The following ZYX variants were observed in gnomAD, a reference collection of about 807,000 sequenced individuals.
The protein encoded by ZYX is zyxin, also known as zyxin-2.
A neutral mutation model predicts 58.1 loss-of-function variants in ZYX; 37 were observed. The observed-to-expected ratio is 0.64, with a 90% CI of 0.49 to 0.84. The LOEUF (loss-of-function observed/expected upper bound fraction) is 0.84, where lower values mean the gene tolerates loss of function less well. Ranked by LOEUF, ZYX falls within the 40% of genes least tolerant of loss-of-function variation. The pLI, the probability that ZYX is intolerant of heterozygous loss-of-function variation, is 0.00. For synonymous variants in ZYX, 324 were observed against 321.1 expected (o/e 1.01, Z -0.10); for missense variants, 762 against 761.6 (o/e 1.00, Z -0.01).
chr7:143,381,933 C>G, intron 2 of ZYX, 154 bp downstream of exon 2: 1 of 814,528 alleles, frequency 1.2e-6, no homozygotes, highest in Non-Finnish European at 1.8e-6. Context: ...TCGTGGAGCT[C>G]GTGGCTGGGA....
At position 143,390,049 on chromosome 7, in the gene ZYX, G is replaced by C. The variant is rs1176714032; in HGVS notation, c.1614+72G>C. ...GGCGGGAGATGCTGCTTACTAACTG[G>C]GAGGTGGAAAGCACCAGCATTCAGG... On this transcript the variant is annotated intron_variant, in intron 9 of 9. Transcript: ENST00000322764. This position sits in a 1 kb window ranked among gnomAD's most constrained non-coding sequence, Gnocchi z 4.3. 1 of 1,585,714 alleles carries C rather than the reference G, an allele frequency of 6.3e-7. No individual in the cohort carries two copies. Among genetic ancestry groups the C allele is most frequent in the African/African-American group, 1.3e-5 (1 of 74,452 alleles).
chr7:143,383,323 G>A lies in ZYX; in HGVS notation c.1023+1G>A. On this transcript the variant is annotated splice_donor_variant, in intron 5 of 9. Transcript: ENST00000322764. LOFTEE classifies it high-confidence loss of function. ...CCCACCGGCTCAGAACCAAAACCAG[G>A]TGAGGGATGGTGATAGGACAAGGCT... 6.3e-7 allele frequency: 1 copy of A among 1,593,630 alleles called. No individual in the cohort carries two copies. The highest frequency in any genetic ancestry group is 8.5e-7 in the Non-Finnish European group (1 of 1,171,260).
rs749155185 is a variant in ZYX at position 143,388,454 on chromosome 7, CTTCT to C, written c.1145-34_1145-31del. ...GATCCCTCGCAGCTCTACATACTTC[CTTCT>C]ATTTACTGCTGTCTTCTCTGGCCTT... is the stretch of plus-strand genomic sequence containing the variant. On this transcript the variant is annotated intron_variant, in intron 6 of 9. Coordinates refer to ENST00000322764, the MANE Select transcript of ZYX (RefSeq NM_003461.5). This position sits in a 1 kb window ranked among gnomAD's most constrained non-coding sequence, Gnocchi z 7.5. 6.2e-7 allele frequency: 1 copy of C among 1,606,880 alleles called. No individual in the cohort carries two copies. The highest frequency in any genetic ancestry group is 8.5e-7 in the Non-Finnish European group (1 of 1,175,306).
rs1481104650 is a variant in ZYX, at chr7:143,390,055, G to A, written c.1614+78G>A. 3.8e-6 allele frequency: 6 copies of A among 1,575,852 alleles called. No individual in the cohort carries two copies. The highest frequency in any genetic ancestry group is 5.2e-6 in the Non-Finnish European group (6 of 1,153,978). ...AGATGCTGCTTACTAACTGGGAGGT[G>A]GAAAGCACCAGCATTCAGGAAACAG... On this transcript the variant is annotated intron_variant, in intron 9 of 9. Coordinates refer to ENST00000322764, the MANE Select transcript of ZYX (RefSeq NM_003461.5). The surrounding 1 kb of genome is among the most constrained non-coding windows in gnomAD (Gnocchi z 4.3).
In ZYX at chr7:143,382,959, A is replaced by T; in HGVS notation, c.660A>T (p.Thr220=). Residue 220 remains threonine, a synonymous_variant, in exon 5 of 10, where the codon ACA becomes ACT. Transcript: ENST00000322764. Reference sequence around the variant, plus strand: ...TTCCGGCTCCGGCTCAGAGCCAGACACAGTTCCATGTTCAGCCCCAGCCCC... The same window carrying T: ...TTCCGGCTCCGGCTCAGAGCCAGACTCAGTTCCATGTTCAGCCCCAGCCCC... ...PQVPAPAQSQ[T]QFHVQPQPQP... The T allele has an allele frequency of 6.2e-7, 1 of 1,613,502 alleles. No individual in the cohort carries two copies. The highest frequency in any genetic ancestry group is 1.1e-5 in the South Asian group (1 of 91,056).
Position 143,381,419 on chromosome 7 carries a change from G to A in ZYX, c.-16+10G>A, listed in dbSNP as rs1804564002. ...CACGCTCCGGCCTGCGGTGAGGCGC[G>A]GGGAGCGGCAGGGCGGCCCCACGGG... On this transcript the variant is annotated intron_variant, in intron 1 of 9. Transcript: ENST00000322764. 8.0e-6 allele frequency: 10 copies of A among 1,243,304 alleles called. No individual in the cohort carries two copies. Among genetic ancestry groups the A allele is most frequent in the East Asian group, 6.9e-5 (2 of 28,940 alleles). The allele number at this position is 1,243,304 out of a possible 1,614,324, so 77.0% of individuals were successfully genotyped here.
At chr7:143,386,379 G>C (rs1434453851) in intron 5 of ZYX, among the ~76,000 whole-genome samples, 1 of 152,088 alleles carries the variant, frequency 6.6e-6, no homozygotes, top group Non-Finnish European at 1.5e-5. Context: ...CAACCATGTG[G>C]GAGGTGAGGT....
chr7:143,391,048 C>T lies in ZYX; in HGVS notation c.*366C>T, dbSNP rs979275876. 14 of 313,638 alleles carry T rather than the reference C, an allele frequency of 4.5e-5. No individual in the cohort carries two copies. The Admixed American group carries it at 5.7e-4, about 13-fold the overall frequency. The allele number at this position is 313,638 out of a possible 1,614,324, so 19.4% of individuals were successfully genotyped here. A position where few individuals can be genotyped will look rare whatever the true frequency, so the allele number is the denominator to read the frequency against. ...TGGGAGACCCTCCAGGACATTCCCA[C>T]CCTCCCCCATGCTGCCAAGTTGTAG... On this transcript the variant is annotated 3_prime_UTR_variant, in exon 10 of 10. Coordinates refer to ENST00000322764, the MANE Select transcript of ZYX (RefSeq NM_003461.5).
chr7:143,383,077 C>T lies in ZYX; in HGVS notation c.778C>T (p.Pro260Ser), dbSNP rs1007276007. 101 of 1,614,128 alleles carry T rather than the reference C, an allele frequency of 6.3e-5. No homozygotes were observed. Among genetic ancestry groups the T allele is most frequent in the Non-Finnish European group, 7.4e-5 (87 of 1,180,056 alleles). ...GCCCCGAGGGCCCCCAGCCTCATCT[C>T]CGGCTCCAGCCCCTAAGTTTTCTCC... Reference protein sequence around the residue: ...TQPRGPPASSPAPAPKFSPVT... With the variant: ...TQPRGPPASSSAPAPKFSPVT... The change falls in exon 5 of 10, where the codon CCG (proline) becomes TCG (serine). Residue 260 changes from proline to serine, a missense_variant. Physicochemically the swap from Pro to Ser is moderately conservative, Grantham distance 74. Transcript: ENST00000322764.
In ZYX at chr7:143,387,462, A is replaced by C. The variant is rs186647902; in HGVS notation, c.1024-757A>C. On this transcript the variant is annotated intron_variant, in intron 5 of 9. Coordinates refer to ENST00000322764, the MANE Select transcript of ZYX (RefSeq NM_003461.5). The surrounding 1 kb of genome is among the most constrained non-coding windows in gnomAD (Gnocchi z 5.8). ...GCGTGTCTCCCGGCAGTGCTGATGC[A>C]GGTCAGACAGCCCTTCCCGGAGTTC... Among the ~76,000 whole-genome samples, 487 of 152,280 alleles carry C rather than the reference A, an allele frequency of 3.2e-3. 6 individuals carry two copies. The highest frequency in any genetic ancestry group is 0.011 in the African/African-American group (462 of 41,560).
At position 143,387,891 on chromosome 7, in the gene ZYX, G is replaced by C. The variant is rs577853906; in HGVS notation, c.1024-328G>C. Reference sequence around the variant, plus strand: ...GTTGATGCGTGGCCCTGGAGTGTCCGGTGCTTCAGTGACCCGAGCTGCTGT... The same window carrying C: ...GTTGATGCGTGGCCCTGGAGTGTCCCGTGCTTCAGTGACCCGAGCTGCTGT... On this transcript the variant is annotated intron_variant, in intron 5 of 9. Coordinates refer to ENST00000322764, the MANE Select transcript of ZYX (RefSeq NM_003461.5). The surrounding 1 kb of genome is among the most constrained non-coding windows in gnomAD (Gnocchi z 5.8). 10 of 502,298 alleles carry C rather than the reference G, an allele frequency of 2.0e-5. No homozygotes were observed. Among genetic ancestry groups the C allele is most frequent in the South Asian group, 1.1e-4 (7 of 64,838 alleles). 31.1% of individuals were successfully genotyped at this position (502,298 alleles called of 1,614,324 possible). A position where few individuals can be genotyped will look rare whatever the true frequency, so the allele number is the denominator to read the frequency against.
rs866871924 is a variant in ZYX, at chr7:143,390,979, C to G, written c.*297C>G. The G allele has an allele frequency of 2.2e-4, 91 of 412,824 alleles. 1 individual carries two copies. The highest frequency in any genetic ancestry group is 2.2e-3 in the South Asian group (79 of 36,320). 25.6% of individuals were successfully genotyped at this position (412,824 alleles called of 1,614,324 possible). On this transcript the variant is annotated 3_prime_UTR_variant, in exon 10 of 10. Transcript: ENST00000322764. The surrounding 1 kb of genome is among the most constrained non-coding windows in gnomAD (Gnocchi z 4.3). ...GCTTTCACTGCTGCACCCGCGCCCT[C>G]GGCCGGCCCCCCGAGCAGCCTTTGT... is the stretch of plus-strand genomic sequence containing the variant.
Position 143,390,663 on chromosome 7 carries a change from C to T in ZYX, c.1700C>T (p.Thr567Ile). 1 of 1,583,166 alleles carries T rather than the reference C, an allele frequency of 6.3e-7. No individual in the cohort carries two copies. The highest frequency in any genetic ancestry group is 1.2e-5 in the South Asian group (1 of 86,352). Residue 567 changes from threonine (T) to isoleucine (I), a missense_variant, in exon 10 of 10, where the codon ACT (threonine) becomes ATT (isoleucine). Coordinates refer to ENST00000322764, the MANE Select transcript of ZYX (RefSeq NM_003461.5). The surrounding 1 kb of genome is among the most constrained non-coding windows in gnomAD (Gnocchi z 4.3). Reference sequence around the variant, plus strand: ...CACGTGCTCTGTCGGAAGTGCCACACTGCTAGAGCCCAGACCTGAGTGAGG... The same window carrying T: ...CACGTGCTCTGTCGGAAGTGCCACATTGCTAGAGCCCAGACCTGAGTGAGG... ...DGHVLCRKCH[T>I]ARAQT
Position 143,390,471 on chromosome 7 carries a change from C to T in ZYX, c.1615-107C>T. 1 of 824,792 alleles carries T rather than the reference C, an allele frequency of 1.2e-6. No individual in the cohort carries two copies. The highest frequency in any genetic ancestry group is 1.9e-6 in the Non-Finnish European group (1 of 514,298). The allele number at this position is 824,792 out of a possible 1,614,324, so 51.1% of individuals were successfully genotyped here. On this transcript the variant is annotated intron_variant, in intron 9 of 9. Transcript: ENST00000322764. The surrounding 1 kb of genome is among the most constrained non-coding windows in gnomAD (Gnocchi z 4.3). ...AAAAAGCGATGACACCAGCTCTGAG[C>T]CATGAAGCATCTTTCTAATTCCAAG...
chr7:143,382,841 T>G lies in ZYX; in HGVS notation c.542T>G (p.Phe181Cys), dbSNP rs1241970536. The G allele has an allele frequency of 6.2e-7, 1 of 1,609,258 alleles. No homozygotes were observed. Among genetic ancestry groups the G allele is most frequent in the South Asian group, 1.1e-5 (1 of 90,392 alleles). ...GTGCCCCCACCAGTGGCCACTCCAT[T>G]CAGTTCCAAGTCCAGTACCAAGCCT... ...GYVPPPVATP[F>C]SSKSSTKPAA... The change falls in exon 5 of 10, where the codon TTC becomes TGC. Residue 181 changes from phenylalanine (F) to cysteine (C), a missense_variant. Coordinates refer to ENST00000322764, the MANE Select transcript of ZYX (RefSeq NM_003461.5).
In ZYX at chr7:143,389,609, G is replaced by A. The variant is rs1336935059; in HGVS notation, c.1494-248G>A. 1.3e-5 allele frequency among the ~76,000 whole-genome samples: 2 copies of A among 152,152 alleles called. No individual in the cohort carries two copies. The highest frequency in any genetic ancestry group is 2.9e-5 in the Non-Finnish European group (2 of 68,042). ...GTGAATGGGACAGTAAGGGTCGAGT[G>A]GGAGAGAACACCGTGGCAGGTGTGT... On this transcript the variant is annotated intron_variant, in intron 8 of 9. Coordinates refer to ENST00000322764, the MANE Select transcript of ZYX (RefSeq NM_003461.5). This position sits in a 1 kb window ranked among gnomAD's most constrained non-coding sequence, Gnocchi z 5.6.
At position 143,388,821 on chromosome 7, in the gene ZYX, A is replaced by AG; in HGVS notation, c.1372dup (p.Ala458GlyfsTer52). The AG allele has an allele frequency of 6.2e-7, 1 of 1,613,996 alleles. No individual in the cohort carries two copies. Among genetic ancestry groups the AG allele is most frequent in the Non-Finnish European group, 8.5e-7 (1 of 1,179,972 alleles). ...GGAGCCCATCACTGACCGCATGCTG[A>AG]GGGCCACGGGCAAGGCCTATCACCC... On this transcript the variant is annotated frameshift_variant, in exon 8 of 10. Coordinates refer to ENST00000322764, the MANE Select transcript of ZYX (RefSeq NM_003461.5). LOFTEE classifies it high-confidence loss of function. The surrounding 1 kb of genome is among the most constrained non-coding windows in gnomAD (Gnocchi z 7.5).
At position 143,381,708 on chromosome 7, in the gene ZYX, C is replaced by A; in HGVS notation, c.137C>A (p.Pro46His). ...CCCTTCCGGCCCGGGGACAGCGAGC[C>A]TCCCCCGGCACCCGGGGCCCAGCGC... The part of the protein sequence containing the change: ...VNPFRPGDSE[P>H]PPAPGAQRAQ... Residue 46 changes from proline to histidine, a missense_variant, in exon 2 of 10, where the codon CCT (proline) becomes CAT (histidine). By Grantham distance (77) the Pro-to-His change is moderately conservative (BLOSUM62 -2). Coordinates refer to ENST00000322764, the MANE Select transcript of ZYX (RefSeq NM_003461.5). The A allele has an allele frequency of 1.2e-6, 2 of 1,604,092 alleles. No homozygotes were observed. The highest frequency in any genetic ancestry group is 1.7e-6 in the Non-Finnish European group (2 of 1,175,892).
At chr7:143,386,663 G>A (rs1465201649) in intron 5 of ZYX, among the ~76,000 whole-genome samples, 2 of 152,066 alleles carry the variant, frequency 1.3e-5, no homozygotes, top group Non-Finnish European at 2.9e-5. Flanking sequence ...GGAGTTAGAT[G>A]GTCATGGGAC....
Sources: gnomAD v4.1 joint callset for allele counts (sites outside exome capture counted in the v4.1 genomes callset) on GRCh38, gnomAD v4.1.1 for gene constraint, Gnocchi (gnomAD v3.1) non-coding constraint, MANE v1.5 for transcripts, NCBI Gene and HGNC (gene_info 2026-07-23, HGNC 2026-07-21) for gene names.